TENM4: variants seen among roughly 807,000 people sequenced by gnomAD.
The protein encoded by TENM4 is teneurin-4.
A neutral mutation model predicts 243.3 loss-of-function variants in TENM4; 82 were observed. The ratio of observed to expected loss-of-function variants is 0.34; its 90% CI spans 0.28 to 0.40. The LOEUF is 0.40. Among genes scored for constraint, TENM4 ranks in the 10% least tolerant of loss-of-function variants. The probability of loss-of-function intolerance (pLI) is 1.00; values close to 1 mark genes in which losing one functional copy is unlikely to be tolerated. For missense variants in TENM4, 3,138 were observed against 3,673.3 expected (o/e 0.85, Z 3.77); for synonymous variants, 1,412 against 1,456.3 (o/e 0.97, Z 0.69).
At chr11:79,393,551 C>G (rs1271725423) in intron 1 of TENM4, among the ~76,000 whole-genome samples, 4 of 152,234 alleles carry the variant, frequency 2.6e-5, no homozygotes, top group African/African-American at 9.6e-5. Context: ...ACTGATGGGA[C>G]TGCGTCAGCC....
chr11:78,721,888 C>T (rs183834839), intron 24 of TENM4, among the ~76,000 whole-genome samples: 1 of 152,242 alleles, frequency 6.6e-6, no homozygotes, highest in African/African-American at 2.4e-5. Flanking sequence ...CCCCTAAGCC[C>T]ACCCTATGAC....
chr11:78,657,036 A>G lies in TENM4; in HGVS notation c.*1022T>C, dbSNP rs1857912416. The stretch of plus-strand genomic sequence containing the variant: ...AGGGAAGATACTCAAAGTCATAGAG[A>G]GAGGGCTTTGCCTCGGAAGGCAGGC... On this transcript the variant is annotated 3_prime_UTR_variant, in exon 34 of 34. Transcript: ENST00000278550. 5 of 398,538 alleles carry G rather than the reference A, an allele frequency of 1.3e-5. No homozygotes were observed. The Admixed American group carries it at 1.8e-4, about 14-fold the overall frequency. The allele number at this position is 398,538 out of a possible 1,614,324, so 24.7% of individuals were successfully genotyped here.
chr11:78,736,479 T>TGCGC (rs1555073147), intron 20 of TENM4, among the ~76,000 whole-genome samples: 1,119 of 99,340 alleles, frequency 0.011, 19 homozygotes, highest in African/African-American at 0.032. Flanking sequence ...TGTGTGTGTG[T>TGCGC]GCGCGCGCGT....
chr11:79,424,103 A>G lies in TENM4; in HGVS notation c.-321+16406T>C, dbSNP rs764101878. Among the ~76,000 whole-genome samples, 20 of 152,230 alleles carry G rather than the reference A, an allele frequency of 1.3e-4. 1 individual carries two copies. The highest frequency in any genetic ancestry group is 2.6e-4 in the Non-Finnish European group (18 of 68,038). ...GTTTAGTTTGTCTGCCAAAAGTCAT[A>G]CAAGCTAGTCCAGTGGCTTCCAACC... On this transcript the variant is annotated intron_variant, in intron 1 of 33. Transcript: ENST00000278550.
At position 78,701,938 on chromosome 11, in the gene TENM4, G is replaced by A. The variant is rs749216369; in HGVS notation, c.4675C>T (p.Arg1559Ter). The A allele has an allele frequency of 1.2e-6, 2 of 1,613,826 alleles. No homozygotes were observed. Among genetic ancestry groups the A allele is most frequent in the Non-Finnish European group, 8.5e-7 (1 of 1,179,886 alleles). ...TTGTTCTTCCGGATAAACCGAATTC[G>A]GATGTTCCCAAGGTCGGCCACGTAG... ...ELYVADLGNIRIRFIRKNKPF... is the reference protein window; with the variant it reads ...ELYVADLGNI The change falls in exon 28 of 34, where the codon CGA becomes TGA. Residue 1559 changes from arginine (R) to a stop codon, truncating the protein, a stop_gained. Transcript: ENST00000278550. LOFTEE classifies it high-confidence loss of function.
In TENM4 at chr11:79,297,492, C is replaced by T. The variant is rs973428916; in HGVS notation, c.-269G>A. On this transcript the variant is annotated 5_prime_UTR_variant, in exon 2 of 34. Transcript: ENST00000278550. ...ACTTTCAGCATCATTACTTACCTAC[C>T]GACCAAGTGTCTGAGAGATCACTAG... 5.9e-5 allele frequency: 9 copies of T among 152,714 alleles called. No homozygotes were observed. Among genetic ancestry groups the T allele is most frequent in the East Asian group, 1.9e-4 (1 of 5,176 alleles). 9.5% of individuals were successfully genotyped at this position (152,714 alleles called of 1,614,324 possible). A position where few individuals can be genotyped will look rare whatever the true frequency, so the allele number is the denominator to read the frequency against.
intron 15 of TENM4, among the ~76,000 whole-genome samples, chr11:78,800,861 G>C (rs1343541996): frequency 6.6e-6 from 1 of 151,988 alleles, no homozygotes; most frequent in African/African-American, 2.4e-5. Context: ...TTATGAGTCG[G>C]GTGAGGGTTG....
intron 3 of TENM4, among the ~76,000 whole-genome samples, chr11:79,156,164 C>G (rs1301886402): frequency 6.6e-6 from 1 of 152,188 alleles, no homozygotes; most frequent in Non-Finnish European, 1.5e-5. Context: ...ATCCAGGAAA[C>G]TCCAGAGGGA....
intron 28 of TENM4, among the ~76,000 whole-genome samples, chr11:78,690,107 G>T (rs376021880): frequency 6.6e-6 from 1 of 152,152 alleles, no homozygotes; most frequent in Admixed American, 6.5e-5. Flanking sequence ...ACGGAGTCAG[G>T]TTCTGCCAGG....
intron 17 of TENM4, among the ~76,000 whole-genome samples, chr11:78,774,444 C>T (rs753351012): frequency 6.6e-5 from 10 of 152,116 alleles, no homozygotes; most frequent in Non-Finnish European, 1.0e-4. Flanking sequence ...TTCAGGGCTG[C>T]GAGTCCCAGT....
chr11:79,092,356 A>C (rs2137055376), intron 4 of TENM4, among the ~76,000 whole-genome samples: 1 of 151,570 alleles, frequency 6.6e-6, no homozygotes, highest in Non-Finnish European at 1.5e-5. Context: ...ATGATCACTG[A>C]CTCCCCTCCT....
At chr11:79,070,627 T>C (rs1336885460) in intron 4 of TENM4, among the ~76,000 whole-genome samples, 2 of 152,180 alleles carry the variant, frequency 1.3e-5, no homozygotes, top group African/African-American at 4.8e-5. Flanking sequence ...GCAGAAACTT[T>C]ACCTGTACTG....
At chr11:79,233,654 CTGTG>C (rs1864410454) in intron 2 of TENM4, among the ~76,000 whole-genome samples, 1 of 151,872 alleles carries the variant, frequency 6.6e-6, no homozygotes, top group Non-Finnish European at 1.5e-5. Context: ...AGGCGGGGGG[CTGTG>C]AATGGGGAGA....
intron 6 of TENM4, among the ~76,000 whole-genome samples, chr11:78,922,024 C>T (rs1004173646): frequency 2.6e-5 from 4 of 152,236 alleles, no homozygotes; most frequent in African/African-American, 9.6e-5. Flanking sequence ...GAACTGCTGG[C>T]ACCCAGGCTG....
At chr11:78,849,920 G>C (rs1031503816) in intron 12 of TENM4, among the ~76,000 whole-genome samples, 2 of 152,150 alleles carry the variant, frequency 1.3e-5, no homozygotes, top group East Asian at 3.8e-4. Context: ...AACATTCTGG[G>C]GTCAGCTAGG....
intron 3 of TENM4, among the ~76,000 whole-genome samples, chr11:79,153,413 G>A (rs750458029): frequency 6.6e-5 from 10 of 152,160 alleles, no homozygotes; most frequent in Admixed American, 2.0e-4. Context: ...AGAAATCCTG[G>A]GAAATTTTCT....
chr11:78,920,710 C>A (rs1340836211), intron 6 of TENM4, among the ~76,000 whole-genome samples: 1 of 152,108 alleles, frequency 6.6e-6, no homozygotes, highest in Non-Finnish European at 1.5e-5. Context: ...AAACATCAAA[C>A]AAGATTATAT....
At chr11:79,164,161 G>T (rs1465484044) in intron 3 of TENM4, among the ~76,000 whole-genome samples, 1 of 120,046 alleles carries the variant, frequency 8.3e-6, no homozygotes, top group Non-Finnish European at 1.6e-5. Flanking sequence ...AGTATATATA[G>T]TGTATATATG....
intron 6 of TENM4, among the ~76,000 whole-genome samples, chr11:79,016,387 C>T (rs1264055835): frequency 6.6e-6 from 1 of 152,118 alleles, no homozygotes; most frequent in Non-Finnish European, 1.5e-5. Context: ...TCAAAGATGA[C>T]ACTAGTTTCT....
Sources: allele counts gnomAD v4.1 joint callset (sites outside exome capture counted in the v4.1 genomes callset), GRCh38; gene constraint gnomAD v4.1.1; transcripts MANE v1.5; gene names NCBI Gene and HGNC (gene_info 2026-07-23, HGNC 2026-07-21).